The following PRELID2 variants were observed in gnomAD, a reference collection of about 807,000 sequenced individuals.
The protein encoded by PRELID2 is PRELI domain-containing protein 2.
In PRELID2, 25 loss-of-function variants were observed where a neutral mutation model predicts 28.4. The ratio of observed to expected loss-of-function variants is 0.88; its 90% CI spans 0.64 to 1.23. The LOEUF (loss-of-function observed/expected upper bound fraction) is 1.23. Among genes scored for constraint, PRELID2 ranks in the 50% most tolerant of loss-of-function variants. PRELID2 has a pLI of 0.00. For missense variants in PRELID2, 201 were observed against 214.4 expected (o/e 0.94, Z 0.39); for synonymous variants, 76 against 71.6 (o/e 1.06, Z -0.31).
At chr5:145,266,992 A>G in the PRELID2 span, among the ~76,000 whole-genome samples, 1 of 152,128 alleles carries the variant, frequency 6.6e-6, no homozygotes, top group Admixed American at 6.6e-5. Context: ...GCAAAGGCAT[A>G]AGAATGATAC....
Position 145,741,262 on chromosome 5 carries a change from A to C in PRELID2, n.70+23669T>G, listed in dbSNP as rs1181922801. ...TATAAATATATAATATATAAATAAT[A>C]TATATTTATATTTTATGTATATATA... On this transcript the variant is annotated intron_variant and non_coding_transcript_variant, in intron 1 of 2. Transcript: ENST00000510259. 2.6e-5 allele frequency among the ~76,000 whole-genome samples: 3 copies of C among 113,672 alleles called. No individual in the cohort carries two copies. In the Admixed American group the frequency reaches 3.3e-4, roughly 12 times the overall value. The allele number at this position is 113,672 out of a possible 152,430, so 74.6% of individuals were successfully genotyped here.
the PRELID2 span, among the ~76,000 whole-genome samples, chr5:145,296,750 C>A: frequency 2.6e-5 from 4 of 151,928 alleles, no homozygotes; most frequent in African/African-American, 4.8e-5. Context: ...AGTTCTAGAT[C>A]CCTGAGGAAT....
At chr5:145,349,197 C>T in the PRELID2 span, among the ~76,000 whole-genome samples, 1 of 151,976 alleles carries the variant, frequency 6.6e-6, no homozygotes, top group African/African-American at 2.4e-5. Flanking sequence ...GTGAAAATAC[C>T]CTATGAAGCA....
intron 4 of PRELID2, among the ~76,000 whole-genome samples, chr5:145,812,936 T>C (rs1467237331): frequency 1.3e-5 from 2 of 152,214 alleles, no homozygotes; most frequent in East Asian, 1.9e-4. Context: ...GAAAGCCCAA[T>C]GTAGTTCTCT....
chr5:145,352,017 G>A, the PRELID2 span, among the ~76,000 whole-genome samples: 12 of 152,134 alleles, frequency 7.9e-5, no homozygotes, highest in Non-Finnish European at 1.2e-4. Context: ...TACAACCCCC[G>A]TCTCAGGTGC....
chr5:145,773,472 T>G (rs1035899841), intron 5 of PRELID2, among the ~76,000 whole-genome samples: 1 of 152,258 alleles, frequency 6.6e-6, no homozygotes, highest in Non-Finnish European at 1.5e-5. Context: ...TTGCACTTCA[T>G]GCAAAATATG....
intron 1 of PRELID2, among the ~76,000 whole-genome samples, chr5:145,647,368 C>T (rs901663676): frequency 1.3e-5 from 2 of 152,158 alleles, no homozygotes; most frequent in African/African-American, 2.4e-5. Context: ...CGCACCTCCC[C>T]CCACCAACCT....
intron 4 of PRELID2, among the ~76,000 whole-genome samples, chr5:145,817,436 T>TATATATATATATATATAA (rs1188916659): frequency 3.6e-5 from 5 of 138,910 alleles, no homozygotes; most frequent in East Asian, 2.0e-4. Context: ...TATATATATA[T>TATATATATATATATATAA]ATATATATAT....
At chr5:145,415,069 T>A in the PRELID2 span, among the ~76,000 whole-genome samples, 1 of 152,076 alleles carries the variant, frequency 6.6e-6, no homozygotes. Context: ...GCACTTCCTC[T>A]AAAATTGATC....
chr5:145,775,583 A>G (rs547506806), intron 5 of PRELID2, among the ~76,000 whole-genome samples: 17 of 152,356 alleles, frequency 1.1e-4, no homozygotes, highest in Middle Eastern at 3.4e-3. Context: ...GAAGAGAAAC[A>G]TTCCACAGGG....
intron 1 of PRELID2, among the ~76,000 whole-genome samples, chr5:145,635,756 C>A (rs1043505199): frequency 6.6e-6 from 1 of 152,324 alleles, no homozygotes; most frequent in East Asian, 1.9e-4. Flanking sequence ...ATCAGACCTA[C>A]AAAGTTTCAC....
chr5:145,494,896 G>A (rs542418079), intron 1 of PRELID2, among the ~76,000 whole-genome samples: 32 of 152,226 alleles, frequency 2.1e-4, no homozygotes, highest in Admixed American at 1.5e-3. Context: ...CAAGTTTTAC[G>A]ATTCCTAATT....
At chr5:145,375,489 C>G in the PRELID2 span, among the ~76,000 whole-genome samples, 3 of 152,124 alleles carry the variant, frequency 2.0e-5, no homozygotes, top group Admixed American at 2.0e-4. Flanking sequence ...TAACGAAGCA[C>G]TTTGTCCCTT....
intron 1 of PRELID2, among the ~76,000 whole-genome samples, chr5:145,608,522 A>T (rs1470289094): frequency 2.0e-5 from 3 of 152,204 alleles, no homozygotes; most frequent in African/African-American, 7.2e-5. Context: ...GCTAGATATG[A>T]AATTCTTGGT....
At chr5:145,411,140 G>C in the PRELID2 span, among the ~76,000 whole-genome samples, 24 of 152,186 alleles carry the variant, frequency 1.6e-4, no homozygotes, top group Non-Finnish European at 3.1e-4. Context: ...ACAGAAAGAA[G>C]GGTTTATTGA....
At chr5:145,365,657 G>A in the PRELID2 span, among the ~76,000 whole-genome samples, 36 of 151,986 alleles carry the variant, frequency 2.4e-4, no homozygotes, top group African/African-American at 7.9e-4. Context: ...ATTCCATGGA[G>A]TTATTCTGGT....
intron 1 of PRELID2, among the ~76,000 whole-genome samples, chr5:145,543,555 T>A (rs66499312): frequency 0.1 from 15,377 of 152,132 alleles, 815 homozygotes; most frequent in Non-Finnish European, 0.12. Context: ...ATTTAAGTGA[T>A]CACTAAGATA....
chr5:145,810,448 A>C (rs1271636294), intron 4 of PRELID2, among the ~76,000 whole-genome samples: 4 of 152,204 alleles, frequency 2.6e-5, no homozygotes, highest in Admixed American at 6.5e-5. Flanking sequence ...CCTGAATACT[A>C]TTCTTTCCAG....
the PRELID2 span, among the ~76,000 whole-genome samples, chr5:145,235,648 A>C: frequency 6.6e-6 from 1 of 152,034 alleles, no homozygotes; most frequent in Admixed American, 6.6e-5. Flanking sequence ...GCTTACAAAG[A>C]TTTTCTTATT....
Sources: gnomAD v4.1 joint callset for allele counts (sites outside exome capture counted in the v4.1 genomes callset) on GRCh38, gnomAD v4.1.1 for gene constraint, MANE v1.5 for transcripts, NCBI Gene and HGNC (gene_info 2026-07-23, HGNC 2026-07-21) for gene names.